The following ST6GALNAC5 variants were observed in gnomAD, a reference collection of about 807,000 sequenced individuals.
The protein encoded by ST6GALNAC5 is alpha-N-acetylgalactosaminide alpha-2,6-sialyltransferase 5.
Under a neutral mutation model 33.6 loss-of-function variants are expected in ST6GALNAC5, and 27 were observed. The ratio of observed to expected loss-of-function variants is 0.80; its 90% CI spans 0.59 to 1.11. The LOEUF (loss-of-function observed/expected upper bound fraction) is 1.11. Among genes scored for constraint, ST6GALNAC5 ranks in the 50% least tolerant of loss-of-function variants. The pLI is 0.00. For missense variants in ST6GALNAC5, 428 were observed against 454.0 expected (o/e 0.94, Z 0.52); for synonymous variants, 194 against 171.2 (o/e 1.13, Z -1.04).
At chr1:76,999,745 G>GT (rs1382861007) in intron 2 of ST6GALNAC5, among the ~76,000 whole-genome samples, 1 of 146,968 alleles carries the variant, frequency 6.8e-6, no homozygotes, top group African/African-American at 2.5e-5. Context: ...GCAGTGTTTG[G>GT]TTTTTTGTTC....
At chr1:76,968,359 T>A (rs1373099311) in intron 2 of ST6GALNAC5, among the ~76,000 whole-genome samples, 1 of 152,200 alleles carries the variant, frequency 6.6e-6, no homozygotes, top group Admixed American at 6.5e-5. Flanking sequence ...TCTCTTTTGA[T>A]CTTTGTTGGT....
intron 3 of ST6GALNAC5, among the ~76,000 whole-genome samples, chr1:77,048,919 A>G (rs562720762): frequency 6.6e-5 from 10 of 150,596 alleles, no homozygotes; most frequent in African/African-American, 2.5e-4. Context: ...CCAGCTGGTT[A>G]TGATAGAAAC....
intron 2 of ST6GALNAC5, among the ~76,000 whole-genome samples, chr1:76,944,973 C>T (rs1647465018): frequency 1.3e-5 from 2 of 152,142 alleles, no homozygotes; most frequent in South Asian, 4.1e-4. Context: ...GACCATCCCA[C>T]TGCTGTCTTA....
intron 2 of ST6GALNAC5, among the ~76,000 whole-genome samples, chr1:77,017,993 T>C (rs755922540): frequency 1.3e-5 from 2 of 152,286 alleles, no homozygotes; most frequent in African/African-American, 2.4e-5. Flanking sequence ...TAGGCTCTCT[T>C]CTAACCTTAA....
At chr1:76,910,671 A>T (rs1321350734) in intron 2 of ST6GALNAC5, among the ~76,000 whole-genome samples, 1 of 152,060 alleles carries the variant, frequency 6.6e-6, no homozygotes. Flanking sequence ...TATCAATGTG[A>T]GTTTGAATAA....
intron 2 of ST6GALNAC5, among the ~76,000 whole-genome samples, chr1:76,873,570 A>G (rs1018948621): frequency 3.9e-5 from 6 of 152,154 alleles, no homozygotes; most frequent in Non-Finnish European, 7.4e-5. Context: ...TTTTTTCTCT[A>G]CAAGAATCAT....
At chr1:76,889,317 T>C (rs1238249427) in intron 2 of ST6GALNAC5, among the ~76,000 whole-genome samples, 1 of 152,110 alleles carries the variant, frequency 6.6e-6, no homozygotes, top group Non-Finnish European at 1.5e-5. Context: ...ATTATTGTGG[T>C]TGTTTCAGAT....
chr1:77,021,763 A>C (rs908429651), intron 2 of ST6GALNAC5, among the ~76,000 whole-genome samples: 8 of 152,166 alleles, frequency 5.3e-5, no homozygotes, highest in African/African-American at 1.9e-4. Context: ...CTCCCTCTCC[A>C]ATAAGCCTGT....
In ST6GALNAC5 at chr1:76,868,645, G is replaced by A; in HGVS notation, c.164G>A (p.Ser55Asn). Residue 55 changes from serine (S) to asparagine (N), a missense_variant, in exon 2 of 5, where the codon AGC (serine) becomes AAC (asparagine). By Grantham distance (46) the Ser-to-Asn change is conservative. Coordinates refer to ENST00000477717, the MANE Select transcript of ST6GALNAC5 (RefSeq NM_030965.3). The surrounding 1 kb of genome is among the most constrained non-coding windows in gnomAD (Gnocchi z 4.3). ...QQQQQASATG[S>N]SQPAAESSTQ... ...CAGCAGCAGGCGTCGGCCACCGGCA[G>A]CTCGCAGCCGGCGGCGGAGAGCAGC... The A allele has an allele frequency of 6.2e-7, 1 of 1,604,048 alleles. No homozygotes were observed. The highest frequency in any genetic ancestry group is 8.5e-7 in the Non-Finnish European group (1 of 1,175,056).
chr1:76,967,335 T>C (rs1648537926), intron 2 of ST6GALNAC5, among the ~76,000 whole-genome samples: 1 of 152,218 alleles, frequency 6.6e-6, no homozygotes, highest in Non-Finnish European at 1.5e-5. Flanking sequence ...GGAGGGTGTA[T>C]GTGTCCAGGA....
At chr1:76,976,102 A>T (rs1212626094) in intron 2 of ST6GALNAC5, among the ~76,000 whole-genome samples, 3 of 152,176 alleles carry the variant, frequency 2.0e-5, no homozygotes, top group African/African-American at 7.2e-5. Context: ...TCAAAAAAAT[A>T]AAAAATTAAA....
chr1:76,888,230 T>A (rs1228701263), intron 2 of ST6GALNAC5, among the ~76,000 whole-genome samples: 2 of 152,142 alleles, frequency 1.3e-5, no homozygotes, highest in South Asian at 2.1e-4. Flanking sequence ...ATGGTACATA[T>A]GCATCACCCG....
intron 2 of ST6GALNAC5, among the ~76,000 whole-genome samples, chr1:76,969,384 C>T (rs780985587): frequency 1.8e-4 from 28 of 152,182 alleles, no homozygotes; most frequent in African/African-American, 6.3e-4. Context: ...TATCCCATGC[C>T]GGGTTCAGCA....
chr1:76,944,453 C>T (rs1276925000), intron 2 of ST6GALNAC5, among the ~76,000 whole-genome samples: 1 of 151,862 alleles, frequency 6.6e-6, no homozygotes, highest in Non-Finnish European at 1.5e-5. Flanking sequence ...AATTGGATGG[C>T]CCCCTCTCTA....
chr1:76,897,649 G>C (rs181971208), intron 2 of ST6GALNAC5, among the ~76,000 whole-genome samples: 2 of 152,150 alleles, frequency 1.3e-5, no homozygotes, highest in Non-Finnish European at 2.9e-5. Context: ...GGACTCAAAG[G>C]AGGCTTTGGA....
At position 77,066,088 on chromosome 1, in the gene ST6GALNAC5, A is replaced by G. The variant is rs113031942; in HGVS notation, c.*2882A>G. 2.6e-5 allele frequency among the ~76,000 whole-genome samples: 4 copies of G among 152,318 alleles called. 1 individual carries two copies. Among genetic ancestry groups the G allele is most frequent in the African/African-American group, 7.2e-5 (3 of 41,574 alleles). Reference sequence around the variant, plus strand: ...GAACATTAGGAGGTAAATATTCAGCATGCTGCATGGAGACTTAGCTGTGTG... The same window carrying G: ...GAACATTAGGAGGTAAATATTCAGCGTGCTGCATGGAGACTTAGCTGTGTG... On this transcript the variant is annotated 3_prime_UTR_variant, in exon 5 of 5. Coordinates refer to ENST00000477717, the MANE Select transcript of ST6GALNAC5 (RefSeq NM_030965.3).
Position 76,868,845 on chromosome 1 carries a change from G to A in ST6GALNAC5, c.261+103G>A. Reference sequence around the variant, plus strand: ...CTGGGAGGCGCTGTGAGTAGGTGCCGTTCGAAGGCTGGAGGGGAGTGGACC... The same window carrying A: ...CTGGGAGGCGCTGTGAGTAGGTGCCATTCGAAGGCTGGAGGGGAGTGGACC... On this transcript the variant is annotated intron_variant, in intron 2 of 4. Coordinates refer to ENST00000477717, the MANE Select transcript of ST6GALNAC5 (RefSeq NM_030965.3). The surrounding 1 kb of genome is among the most constrained non-coding windows in gnomAD (Gnocchi z 4.3). 2 of 1,420,072 alleles carry A rather than the reference G, an allele frequency of 1.4e-6. No individual in the cohort carries two copies. The highest frequency in any genetic ancestry group is 1.8e-6 in the Non-Finnish European group (2 of 1,092,370). The allele number at this position is 1,420,072 out of a possible 1,614,324, so 88.0% of individuals were successfully genotyped here.
chr1:77,005,454 G>A (rs60514996), intron 2 of ST6GALNAC5, among the ~76,000 whole-genome samples: 29,153 of 152,144 alleles, frequency 0.19, 3,354 homozygotes, highest in African/African-American at 0.31. Context: ...CGTCTTCTGC[G>A]TCGCTCACGC....
At chr1:76,943,952 A>C (rs1647422154) in intron 2 of ST6GALNAC5, among the ~76,000 whole-genome samples, 1 of 152,124 alleles carries the variant, frequency 6.6e-6, no homozygotes, top group South Asian at 2.1e-4. Flanking sequence ...TTATTTAACC[A>C]ATGTTGGGGT....
Sources: gnomAD v4.1 joint callset for allele counts (sites outside exome capture counted in the v4.1 genomes callset) on GRCh38, gnomAD v4.1.1 for gene constraint, Gnocchi (gnomAD v3.1) non-coding constraint, MANE v1.5 for transcripts, NCBI Gene and HGNC (gene_info 2026-07-23, HGNC 2026-07-21) for gene names.